Variants in CLVS1 observed in about 807,000 individuals in gnomAD.
CLVS1 encodes the protein clavesin 1, also known as clavesin-1.
CLVS1 carries 10 observed loss-of-function variants against 33.1 expected under a neutral mutation model. That is an observed-to-expected ratio of 0.30 (90% CI 0.19 to 0.51). CLVS1 has a LOEUF of 0.51. Ranked by LOEUF, CLVS1 falls within the 20% of genes least tolerant of loss-of-function variation. CLVS1 has a pLI of 0.97. For missense variants in CLVS1, 343 were observed against 433.4 expected, an observed-to-expected ratio of 0.79 and a Z score of 1.85; for synonymous variants, 163 against 166.1, an observed-to-expected ratio of 0.98 and a Z score of 0.14.
At chr8:61,199,997 C>T (rs2978492) in intron 2 of CLVS1, among the ~76,000 whole-genome samples, 1 of 152,032 alleles carries the variant, frequency 6.6e-6, no homozygotes, top group Admixed American at 6.5e-5. Flanking sequence ...CAAGGACAAC[C>T]TTCTCTTTAG....
chr8:61,038,425 C>T, the CLVS1 span, among the ~76,000 whole-genome samples: 1 of 141,438 alleles, frequency 7.1e-6, no homozygotes, highest in African/African-American at 2.8e-5. Context: ...TACACATTTC[C>T]TCCTGTCGTT....
rs545376407 is a variant in CLVS1, at chr8:61,189,693, G to A, written c.-152+57833G>A. 2.7e-4 allele frequency among the ~76,000 whole-genome samples: 41 copies of A among 151,694 alleles called. No individual in the cohort carries two copies. In the South Asian group the frequency reaches 8.1e-3, roughly 30 times the overall value. On this transcript the variant is annotated intron_variant, in intron 2 of 2. Coordinates refer to the CLVS1 transcript ENST00000522621. ...ATGGAGGAAGATCTACCAAGCCAAT[G>A]GAAAACAAAAAAAGGCAGGGGTTGC...
At chr8:61,155,989 G>T (rs977265871) in intron 2 of CLVS1, among the ~76,000 whole-genome samples, 1 of 152,134 alleles carries the variant, frequency 6.6e-6, no homozygotes, top group African/African-American at 2.4e-5. Flanking sequence ...GAGGTAGGTG[G>T]ATCACCTGAG....
intron 2 of CLVS1, among the ~76,000 whole-genome samples, chr8:61,247,705 G>A (rs926731133): frequency 1.3e-5 from 2 of 152,206 alleles, no homozygotes; most frequent in Non-Finnish European, 2.9e-5. Context: ...ACCTTTGTCA[G>A]ATGCATAGTT....
intron 2 of CLVS1, among the ~76,000 whole-genome samples, chr8:61,214,095 G>A (rs1808033616): frequency 6.6e-6 from 1 of 152,114 alleles, no homozygotes; most frequent in African/African-American, 2.4e-5. Flanking sequence ...TAATAATTTT[G>A]GTCAGACCGG....
chr8:60,981,861 C>G, the CLVS1 span, among the ~76,000 whole-genome samples: 2 of 152,188 alleles, frequency 1.3e-5, no homozygotes, highest in Non-Finnish European at 2.9e-5. Context: ...GGGCACCCTG[C>G]GAAGCAGGAG....
the CLVS1 span, among the ~76,000 whole-genome samples, chr8:60,993,586 G>A: frequency 2.6e-5 from 4 of 152,210 alleles, no homozygotes; most frequent in African/African-American, 9.7e-5. Flanking sequence ...AACCCTCAGG[G>A]GAGCCCTAAC....
At chr8:61,229,756 A>G (rs560609633) in intron 2 of CLVS1, among the ~76,000 whole-genome samples, 1 of 152,190 alleles carries the variant, frequency 6.6e-6, no homozygotes, top group South Asian at 2.1e-4. Flanking sequence ...TCGGTCTTCC[A>G]AGTAGCTGGG....
At chr8:61,083,342 C>G (rs1011556671) in intron 1 of CLVS1, among the ~76,000 whole-genome samples, 3 of 152,084 alleles carry the variant, frequency 2.0e-5, no homozygotes, top group Admixed American at 6.5e-5. Context: ...AACTTGGTGC[C>G]TTGCCAGGGA....
At chr8:61,279,541 C>G (rs1809628371) in intron 2 of CLVS1, among the ~76,000 whole-genome samples, 1 of 152,156 alleles carries the variant, frequency 6.6e-6, no homozygotes. Flanking sequence ...AAGAGGAACT[C>G]ATAGCAGCTG....
At chr8:61,394,166 G>C (rs1303920009) in intron 3 of CLVS1, among the ~76,000 whole-genome samples, 2 of 152,200 alleles carry the variant, frequency 1.3e-5, no homozygotes, top group South Asian at 4.1e-4. Context: ...TGCCAACATG[G>C]TGAAACACTA....
At chr8:61,329,203 A>ATCTC (rs34303330) in intron 2 of CLVS1, among the ~76,000 whole-genome samples, 4,443 of 145,120 alleles carry the variant, frequency 0.031, 209 homozygotes, top group African/African-American at 0.1. Context: ...ACCCCTCCTC[A>ATCTC]TCTCTCTCTC....
rs1554548397 is a variant in CLVS1, at chr8:61,232,041, T to TTTTTTTG, written c.-151-67630_-151-67629insGTTTTTT. ...AGTTGTGGTTTTTTTTTTTTTTTTTTTTTTTTTTTGTGAGATGGAGTCTCG... is the reference window on the plus strand; with the variant it reads ...AGTTGTGGTTTTTTTTTTTTTTTTTTTTTTTTGTTTTTTTTTGTGAGATGGAGTCTCG... On this transcript the variant is annotated intron_variant, in intron 2 of 2. Coordinates refer to the CLVS1 transcript ENST00000522621. Among the ~76,000 whole-genome samples the TTTTTTTG allele has an allele frequency of 1.8e-3, 212 of 116,002 alleles. 8 individuals carry two copies. The highest frequency in any genetic ancestry group is 9.7e-3 in the African/African-American group (204 of 20,978). The allele number at this position is 116,002 out of a possible 152,430, so 76.1% of individuals were successfully genotyped here. A position where few individuals can be genotyped will look rare whatever the true frequency, so the allele number is the denominator to read the frequency against.
chr8:61,049,311 T>C, the CLVS1 span, among the ~76,000 whole-genome samples: 1 of 152,166 alleles, frequency 6.6e-6, no homozygotes. Flanking sequence ...GGGATCTCTA[T>C]AGCAATAAAC....
the CLVS1 span, among the ~76,000 whole-genome samples, chr8:60,990,308 A>G: frequency 6.6e-6 from 1 of 152,178 alleles, no homozygotes; most frequent in Admixed American, 6.5e-5. Flanking sequence ...TATGGTCTGG[A>G]CAATAGATGC....
intron 1 of CLVS1, among the ~76,000 whole-genome samples, chr8:61,090,531 A>G (rs1387447898): frequency 6.6e-6 from 1 of 152,082 alleles, no homozygotes. Flanking sequence ...TACCCTTTAA[A>G]AAAAAAAGCG....
At chr8:61,003,073 G>A in the CLVS1 span, among the ~76,000 whole-genome samples, 1 of 152,290 alleles carries the variant, frequency 6.6e-6, no homozygotes, top group Admixed American at 6.5e-5. Flanking sequence ...CAGATAGGTA[G>A]ATAGAGAGAG....
chr8:61,101,586 G>A (rs1009333506), intron 1 of CLVS1, among the ~76,000 whole-genome samples: 1 of 152,048 alleles, frequency 6.6e-6, no homozygotes, highest in Non-Finnish European at 1.5e-5. Flanking sequence ...CACTTTCTGT[G>A]TGGTGCTTTT....
At chr8:61,061,125 T>G (rs1186261222) in intron 1 of CLVS1, among the ~76,000 whole-genome samples, 2 of 152,138 alleles carry the variant, frequency 1.3e-5, no homozygotes, top group African/African-American at 4.8e-5. Context: ...CTGTCCTGGA[T>G]TTTATAAAAC....
Sources: allele counts gnomAD v4.1 joint callset (sites outside exome capture counted in the v4.1 genomes callset), GRCh38; gene constraint gnomAD v4.1.1; transcripts MANE v1.5; gene names NCBI Gene and HGNC (gene_info 2026-07-23, HGNC 2026-07-21).